Variants in NAV2 observed in about 807,000 individuals in gnomAD.
The protein encoded by NAV2 is neuron navigator 2.
Under a neutral mutation model 223.2 loss-of-function variants are expected in NAV2, and 54 were observed. The ratio of observed to expected loss-of-function variants is 0.24; its 90% CI spans 0.19 to 0.30. The LOEUF (loss-of-function observed/expected upper bound fraction) is 0.30. NAV2 is among the 10% of genes least tolerant of loss of function. The pLI, the probability that NAV2 is intolerant of heterozygous loss-of-function variation, is 1.00. For synonymous variants in NAV2, 1,279 were observed against 1,239.3 expected, an observed-to-expected ratio of 1.03 and a Z score of -0.67; for missense variants, 2,806 against 3,147.5, an observed-to-expected ratio of 0.89 and a Z score of 2.60.
chr11:19,536,773 C>T (rs952527758), intron 1 of NAV2, among the ~76,000 whole-genome samples: 1 of 152,206 alleles, frequency 6.6e-6, no homozygotes, highest in African/African-American at 2.4e-5. Flanking sequence ...CCACTAGTTC[C>T]AGGTTTGTGT....
intron 1 of NAV2, among the ~76,000 whole-genome samples, chr11:19,667,705 G>A (rs1668870999): frequency 6.6e-6 from 1 of 152,206 alleles, no homozygotes; most frequent in Non-Finnish European, 1.5e-5. Context: ...CACTGGGCTA[G>A]TATCAATGTG....
intron 12 of NAV2, among the ~76,000 whole-genome samples, chr11:20,042,978 G>A (rs1020554715): frequency 5.9e-5 from 9 of 152,126 alleles, no homozygotes; most frequent in Non-Finnish European, 1.0e-4. Flanking sequence ...GCAGGTCAGG[G>A]CTCTTCCAAA....
At chr11:19,753,478 C>G (rs537847228) in intron 1 of NAV2, among the ~76,000 whole-genome samples, 3 of 152,218 alleles carry the variant, frequency 2.0e-5, no homozygotes, top group African/African-American at 7.2e-5. Context: ...CATAGAATTC[C>G]TCTTCATTGT....
At chr11:19,672,127 A>T (rs1018566178) in intron 1 of NAV2, among the ~76,000 whole-genome samples, 5 of 152,298 alleles carry the variant, frequency 3.3e-5, no homozygotes, top group Admixed American at 1.3e-4. Context: ...CAGGGGATGG[A>T]GCAGGGACCA....
intron 1 of NAV2, among the ~76,000 whole-genome samples, chr11:19,706,389 G>GT (rs1378670827): frequency 6.6e-6 from 1 of 152,058 alleles, no homozygotes; most frequent in African/African-American, 2.4e-5. Flanking sequence ...ATTACTTTAG[G>GT]TTTTTTGTTA....
intron 11 of NAV2, among the ~76,000 whole-genome samples, chr11:20,017,189 G>C (rs1200458686): frequency 4.6e-5 from 7 of 152,202 alleles, no homozygotes; most frequent in Admixed American, 4.6e-4. Flanking sequence ...TCTAGGATCA[G>C]TTGTTATTAA....
intron 1 of NAV2, among the ~76,000 whole-genome samples, chr11:19,734,648 G>A (rs1420562177): frequency 6.6e-6 from 1 of 152,188 alleles, no homozygotes. Flanking sequence ...TAATGAAGGT[G>A]GGGATGTGAG....
intron 1 of NAV2, among the ~76,000 whole-genome samples, chr11:19,381,034 C>T (rs1028959177): frequency 2.6e-5 from 4 of 152,174 alleles, no homozygotes; most frequent in Admixed American, 1.3e-4. Flanking sequence ...GTGTTTCTTG[C>T]CTCTTTGCCT....
At chr11:19,558,505 A>C (rs1236940381) in intron 1 of NAV2, among the ~76,000 whole-genome samples, 1 of 152,248 alleles carries the variant, frequency 6.6e-6, no homozygotes, top group Non-Finnish European at 1.5e-5. Flanking sequence ...CCAACAAACA[A>C]GACATGGGTT....
In NAV2 at chr11:19,367,231, TA is replaced by T. The variant is rs544449346; in HGVS notation, c.75+16206del. Among the ~76,000 whole-genome samples, 18 of 152,324 alleles carry T rather than the reference TA, an allele frequency of 1.2e-4. No homozygotes were observed. In the East Asian group the frequency reaches 3.3e-3, roughly 28 times the overall value. On this transcript the variant is annotated intron_variant, in intron 1 of 37. Coordinates refer to the NAV2 transcript ENST00000360655. Reference sequence around the variant, plus strand: ...TTGTGCTGACCTATTTGTCCACCTTTAAGATTCAGATTGGAGTTGCCTCTTC... The same window carrying T: ...TTGTGCTGACCTATTTGTCCACCTTTAGATTCAGATTGGAGTTGCCTCTTC...
chr11:19,561,866 A>AAGAGATCCTGCCCCACT (rs536946625), intron 1 of NAV2, among the ~76,000 whole-genome samples: 63 of 152,312 alleles, frequency 4.1e-4, no homozygotes, highest in Non-Finnish European at 2.9e-5. Context: ...CTTGGCTAAG[A>AAGAGATCCTGCCCCACT]AGAGATCCTG....
chr11:19,531,924 A>G (rs1301738980), intron 1 of NAV2, among the ~76,000 whole-genome samples: 3 of 152,210 alleles, frequency 2.0e-5, no homozygotes, highest in African/African-American at 7.2e-5. Flanking sequence ...GGGATTTAGT[A>G]AGTTTGGGAG....
chr11:19,472,394 C>A (rs1463335390), intron 1 of NAV2, among the ~76,000 whole-genome samples: 1 of 152,054 alleles, frequency 6.6e-6, no homozygotes, highest in Non-Finnish European at 1.5e-5. Context: ...ATAGAGTTGT[C>A]CCGAGAATTC....
chr11:19,869,046 C>G (rs779574655), intron 4 of NAV2, 49 bp downstream of exon 4: 6 of 1,524,822 alleles, frequency 3.9e-6, no homozygotes, highest in Non-Finnish European at 5.4e-6. Context: ...ATTAGAAATG[C>G]CCACCTGTTA....
intron 1 of NAV2, among the ~76,000 whole-genome samples, chr11:19,745,742 G>A (rs1433446127): frequency 6.6e-6 from 1 of 152,268 alleles, no homozygotes; most frequent in African/African-American, 2.4e-5. Context: ...TCCCTCGCAT[G>A]TGCAGTTCAC....
chr11:19,821,021 G>A (rs1329580628), intron 1 of NAV2, among the ~76,000 whole-genome samples: 5 of 152,208 alleles, frequency 3.3e-5, no homozygotes, highest in Non-Finnish European at 7.3e-5. Context: ...CCAGCACTTT[G>A]GGAGGCCGAG....
chr11:19,745,990 G>A (rs972807149), intron 1 of NAV2, among the ~76,000 whole-genome samples: 1 of 152,190 alleles, frequency 6.6e-6, no homozygotes, highest in Non-Finnish European at 1.5e-5. Context: ...GAATCCTGCA[G>A]TTTCCAAAGC....
At chr11:19,471,673 G>A (rs1039225146) in intron 1 of NAV2, among the ~76,000 whole-genome samples, 1 of 152,064 alleles carries the variant, frequency 6.6e-6, no homozygotes, top group Non-Finnish European at 1.5e-5. Flanking sequence ...TGATTACATC[G>A]CCATCCTCAT....
chr11:19,928,032 G>A (rs2044947119), intron 6 of NAV2, among the ~76,000 whole-genome samples: 1 of 152,128 alleles, frequency 6.6e-6, no homozygotes, highest in Non-Finnish European at 1.5e-5. Flanking sequence ...TTTCAGGTTC[G>A]TTTTGAACCT....
Sources: gnomAD v4.1 joint callset for allele counts (sites outside exome capture counted in the v4.1 genomes callset) on GRCh38, gnomAD v4.1.1 for gene constraint, MANE v1.5 for transcripts, NCBI Gene and HGNC (gene_info 2026-07-23, HGNC 2026-07-21) for gene names.